Variants in SBK1 observed in about 807,000 individuals in gnomAD.
SBK1 encodes SH3 domain binding kinase 1.
SBK1 carries 11 observed loss-of-function variants against 24.4 expected under a neutral mutation model. The ratio of observed to expected loss-of-function variants is 0.45; its 90% CI spans 0.28 to 0.75. The LOEUF (loss-of-function observed/expected upper bound fraction) is 0.75, where lower values mean the gene tolerates loss of function less well. Ranked by LOEUF, SBK1 falls within the 30% of genes least tolerant of loss-of-function variation. The pLI is 0.12. For missense variants in SBK1, 467 were observed against 620.5 expected, an observed-to-expected ratio of 0.75 and a Z score of 2.63; for synonymous variants, 308 against 284.4, an observed-to-expected ratio of 1.08 and a Z score of -0.83.
chr16:28,278,739 G>C (rs7199779), intron 1 of SBK1, among the ~76,000 whole-genome samples: 1 of 152,052 alleles, frequency 6.6e-6, no homozygotes, highest in Non-Finnish European at 1.5e-5. Flanking sequence ...ATCACACTCC[G>C]ACCACCTCCC....
chr16:28,318,555 A>G (rs2141591711), intron 2 of SBK1, among the ~76,000 whole-genome samples: 1 of 152,372 alleles, frequency 6.6e-6, no homozygotes, highest in African/African-American at 2.4e-5. Flanking sequence ...TGCTCCACCC[A>G]GCTATGTACC....
At chr16:28,273,843 C>T (rs1046004358) in intron 1 of SBK1, among the ~76,000 whole-genome samples, 1 of 152,212 alleles carries the variant, frequency 6.6e-6, no homozygotes, top group Non-Finnish European at 1.5e-5. Context: ...ACCACAATGA[C>T]AATGTCCTTC....
At chr16:28,309,050 G>A (rs976023479) in intron 1 of SBK1, among the ~76,000 whole-genome samples, 10 of 152,134 alleles carry the variant, frequency 6.6e-5, no homozygotes, top group African/African-American at 2.4e-4. Flanking sequence ...AAACATGATC[G>A]AAGTTTCCCA....
intron 1 of SBK1, among the ~76,000 whole-genome samples, chr16:28,281,617 A>C (rs12446365): frequency 0.056 from 8,544 of 152,244 alleles, 529 homozygotes; most frequent in Admixed American, 0.19. Flanking sequence ...CGTGGGTTCA[A>C]GTCCCAGCTA....
At chr16:28,304,567 CAG>C (rs1267787965) in intron 1 of SBK1, among the ~76,000 whole-genome samples, 1 of 152,162 alleles carries the variant, frequency 6.6e-6, no homozygotes, top group Admixed American at 6.5e-5. Context: ...TGTAAAGTCT[CAG>C]CACACTGAGA....
chr16:28,305,205 C>A (rs2044707536), intron 1 of SBK1, among the ~76,000 whole-genome samples: 1 of 151,942 alleles, frequency 6.6e-6, no homozygotes, highest in African/African-American at 2.4e-5. Context: ...CCCGCCAGAT[C>A]TTTCTTTCTT....
chr16:28,310,691 G>A (rs2044748131), intron 1 of SBK1, among the ~76,000 whole-genome samples: 2 of 152,094 alleles, frequency 1.3e-5, no homozygotes, highest in South Asian at 4.1e-4. Context: ...TTTTTTTTAA[G>A]TGGAGCTAAC....
chr16:28,320,348 G>T lies in SBK1; in HGVS notation c.702G>T (p.Val234=). ...ACGGGCTGGCGGTGGACACGGGCGTGGACGTGTGGGCCTTCGGCGTGCTCA... is the reference window on the plus strand; with the variant it reads ...ACGGGCTGGCGGTGGACACGGGCGTTGACGTGTGGGCCTTCGGCGTGCTCA... ...RADGLAVDTG[V]DVWAFGVLIF... Residue 234 remains valine (V), a synonymous_variant, in exon 4 of 4, where the codon GTG becomes GTT. Transcript: ENST00000341901. The surrounding 1 kb of genome is among the most constrained non-coding windows in gnomAD (Gnocchi z 8.5). The T allele has an allele frequency of 6.3e-7, 1 of 1,593,474 alleles. No homozygotes were observed. The highest frequency in any genetic ancestry group is 8.5e-7 in the Non-Finnish European group (1 of 1,176,332).
In SBK1 at chr16:28,322,911, T is replaced by G. The variant is rs535599416; in HGVS notation, c.*1990T>G. On this transcript the variant is annotated 3_prime_UTR_variant, in exon 4 of 4. Transcript: ENST00000341901. ...TCCCTTGCCGTGCTCGCTCTCTCTC[T>G]CGCGCGCGCTCTCTCTCTCCCTCTC... The G allele has an allele frequency of 3.1e-3, 274 of 89,038 alleles. 4 individuals carry two copies. The highest frequency in any genetic ancestry group is 5.4e-3 in the Middle Eastern group (1 of 184). The allele number at this position is 89,038 out of a possible 1,614,324, so 5.5% of individuals were successfully genotyped here. A position where few individuals can be genotyped will look rare whatever the true frequency, so the allele number is the denominator to read the frequency against.
Position 28,319,169 on chromosome 16 carries a change from G to T in SBK1, c.401G>T (p.Gly134Val). 6.2e-7 allele frequency: 1 copy of T among 1,614,124 alleles called. No individual in the cohort carries two copies. The highest frequency in any genetic ancestry group is 8.5e-7 in the Non-Finnish European group (1 of 1,180,016). Residue 134 changes from glycine to valine, a missense_variant, in exon 3 of 4, where the codon GGG becomes GTG. By Grantham distance (109) the Gly-to-Val change is moderately radical. Transcript: ENST00000341901. This position sits in a 1 kb window ranked among gnomAD's most constrained non-coding sequence, Gnocchi z 4.0. Reference sequence around the variant, plus strand: ...TTTGCCCAGGAGTACGCACCTGCTGGGGACCTGTTTGACATCATCCCTCCC... The same window carrying T: ...TTTGCCCAGGAGTACGCACCTGCTGTGGACCTGTTTGACATCATCCCTCCC... ...YVFAQEYAPA[G>V]DLFDIIPPQV...
chr16:28,261,804 A>T (rs1490321003), intron 1 of SBK1, among the ~76,000 whole-genome samples: 1 of 152,220 alleles, frequency 6.6e-6, no homozygotes, highest in African/African-American at 2.4e-5. Flanking sequence ...GGGAAGCCCC[A>T]GAAAGAGACA....
intron 1 of SBK1, among the ~76,000 whole-genome samples, chr16:28,282,242 G>A (rs80032453): frequency 0.019 from 2,897 of 152,262 alleles, 86 homozygotes; most frequent in African/African-American, 0.064. Flanking sequence ...TAGACATCAG[G>A]TGGGACTTAC....
At chr16:28,302,960 A>AT (rs2044689010) in intron 1 of SBK1, among the ~76,000 whole-genome samples, 4 of 101,798 alleles carry the variant, frequency 3.9e-5, no homozygotes, top group Non-Finnish European at 1.0e-4. Flanking sequence ...AGAGCAGGGC[A>AT]TGGGGGGGGG....
rs56232453 is a variant in SBK1 at position 28,287,286 on chromosome 16, C to CAAAAAA, written c.257+27792_257+27797dup. Among the ~76,000 whole-genome samples, 44 of 124,884 alleles carry CAAAAAA rather than the reference C, an allele frequency of 3.5e-4. 1 individual carries two copies. The highest frequency in any genetic ancestry group is 9.7e-4 in the African/African-American group (32 of 32,828). The allele number at this position is 124,884 out of a possible 152,430, so 81.9% of individuals were successfully genotyped here. A position where few individuals can be genotyped will look rare whatever the true frequency, so the allele number is the denominator to read the frequency against. On this transcript the variant is annotated intron_variant, in intron 1 of 3. Coordinates refer to the SBK1 transcript ENST00000671413. ...TGAAACCCCATCTCTACTAAAAATA[C>CAAAAAA]AAAAAAAAAAAAATTAGCTGGGCAT...
chr16:28,293,835 T>G (rs1396980989), intron 1 of SBK1, among the ~76,000 whole-genome samples: 1 of 152,108 alleles, frequency 6.6e-6, no homozygotes, highest in Non-Finnish European at 1.5e-5. Flanking sequence ...GAATCGCATC[T>G]TCCCTGTGAC....
At chr16:28,309,331 A>G (rs1200730436) in intron 1 of SBK1, among the ~76,000 whole-genome samples, 1 of 152,166 alleles carries the variant, frequency 6.6e-6, no homozygotes, top group Non-Finnish European at 1.5e-5. Flanking sequence ...AAGGGAGGCA[A>G]CGTGGTTCCC....
In SBK1 at chr16:28,321,054, C is replaced by G. The variant is rs2044841095; in HGVS notation, c.*133C>G. ...GCGGTAGACTAGGCAGGACGCGGCC[C>G]GGCACCTGGTCCGTCCCCGGCGGGC... On this transcript the variant is annotated 3_prime_UTR_variant, in exon 4 of 4. Coordinates refer to ENST00000341901, the MANE Select transcript of SBK1 (RefSeq NM_001024401.3). 1.2e-6 allele frequency: 1 copy of G among 853,630 alleles called. No homozygotes were observed. Among genetic ancestry groups the G allele is most frequent in the African/African-American group, 1.8e-5 (1 of 54,120 alleles). The allele number at this position is 853,630 out of a possible 1,614,324, so 52.9% of individuals were successfully genotyped here. A position where few individuals can be genotyped will look rare whatever the true frequency, so the allele number is the denominator to read the frequency against.
intron 1 of SBK1, among the ~76,000 whole-genome samples, chr16:28,305,211 T>G (rs545330136): frequency 6.6e-6 from 1 of 152,028 alleles, no homozygotes; most frequent in Non-Finnish European, 1.5e-5. Context: ...AGATCTTTCT[T>G]TCTTTCTTTT....
intron 1 of SBK1, among the ~76,000 whole-genome samples, chr16:28,278,224 G>A (rs2044507088): frequency 1.3e-5 from 2 of 152,244 alleles, no homozygotes; most frequent in South Asian, 4.1e-4. Flanking sequence ...GCCACATCCG[G>A]TCCCGGGAGA....
Sources: allele counts gnomAD v4.1 joint callset (sites outside exome capture counted in the v4.1 genomes callset), GRCh38; gene constraint gnomAD v4.1.1; non-coding constraint Gnocchi (gnomAD v3.1); transcripts MANE v1.5; gene names NCBI Gene and HGNC (gene_info 2026-07-23, HGNC 2026-07-21).